TIMM50: variants seen among roughly 807,000 people sequenced by gnomAD.
TIMM50 encodes mitochondrial import inner membrane translocase subunit TIM50.
TIMM50 carries 34 observed loss-of-function variants against 49.6 expected under a neutral mutation model. The observed-to-expected ratio is 0.69, with a 90% confidence interval of 0.52 to 0.91. TIMM50 has a LOEUF of 0.91. Among genes scored for constraint, TIMM50 ranks in the 40% least tolerant of loss-of-function variants. The pLI is 0.00. For missense variants in TIMM50, 458 were observed against 477.8 expected (o/e 0.96, Z 0.39); for synonymous variants, 199 against 198.4 (o/e 1.00, Z -0.03).
chr19:39,483,362 G>T, intron 4 of TIMM50: 4 of 599,520 alleles, frequency 6.7e-6, no homozygotes, highest in South Asian at 2.0e-5. Flanking sequence ...CAGATGGTCA[G>T]AGACAGATGG....
At chr19:39,483,389 G>A (rs2146150720) in intron 4 of TIMM50, 1 of 564,646 alleles carries the variant, frequency 1.8e-6, no homozygotes, top group Non-Finnish European at 3.1e-6. Flanking sequence ...GGAGCCTTGG[G>A]TGGGAGGGCT....
At chr19:39,483,229 C>T in intron 4 of TIMM50, 73 bp downstream of exon 4, 4 of 1,593,276 alleles carry the variant, frequency 2.5e-6, no homozygotes, top group South Asian at 1.1e-5. Context: ...GTCTCTCTCC[C>T]CATCTGGTGT....
In TIMM50 at chr19:39,489,856, G is replaced by A; in HGVS notation, c.*36G>A. 1 of 1,567,806 alleles carries A rather than the reference G, an allele frequency of 6.4e-7. No homozygotes were observed. Among genetic ancestry groups the A allele is most frequent in the South Asian group, 1.2e-5 (1 of 85,666 alleles). On this transcript the variant is annotated 3_prime_UTR_variant, in exon 11 of 11. Transcript: ENST00000607714. ...TCCTCAAACTCAGTGCCTGGGTCCA[G>A]GGCCCCAGTGCTTCCAGACCAAGAC...
chr19:39,483,909 A>C (rs1199669347), intron 4 of TIMM50, among the ~76,000 whole-genome samples: 2 of 152,020 alleles, frequency 1.3e-5, no homozygotes, highest in Admixed American at 6.5e-5. Flanking sequence ...GCTGGAGTGC[A>C]GTGATGCAAT....
rs1347748240 is a variant in TIMM50 at position 39,486,192 on chromosome 19, C to T, written c.498C>T (p.Ala166=). 3 of 1,614,116 alleles carry T rather than the reference C, an allele frequency of 1.9e-6. No homozygotes were observed. The highest frequency in any genetic ancestry group is 2.5e-6 in the Non-Finnish European group (3 of 1,180,002). ...TGTCCTCACTGTCTTCCCAGCTGGCCACTGGCTGGAGGTTTAAGAAGCGCC... is the reference window on the plus strand; with the variant it reads ...TGTCCTCACTGTCTTCCCAGCTGGCTACTGGCTGGAGGTTTAAGAAGCGCC... ...GVLLHPEWSL[A]TGWRFKKRPG... Residue 166 remains alanine (A), a synonymous_variant, in exon 7 of 11, where the codon GCC becomes GCT. Coordinates refer to ENST00000607714, the MANE Select transcript of TIMM50 (RefSeq NM_001001563.5).
intron 4 of TIMM50, 70 bp from the exon 5 acceptor site, chr19:39,485,474 A>T (rs1371171102): frequency 1.3e-6 from 2 of 1,591,600 alleles, no homozygotes; most frequent in Non-Finnish European, 1.7e-6. Context: ...TAGATAAGAA[A>T]CCCCTGGTTT....
At chr19:39,488,250 C>T in intron 9 of TIMM50, 33 bp downstream of exon 9, 2 of 1,585,836 alleles carry the variant, frequency 1.3e-6, no homozygotes, top group Non-Finnish European at 1.7e-6. Context: ...TGGCCTCTGA[C>T]CCCAGAGCCC....
Position 39,482,128 on chromosome 19 carries a change from C to T in TIMM50, c.259+95C>T, listed in dbSNP as rs1475789452. The T allele has an allele frequency of 3.4e-6, 5 of 1,475,148 alleles. No homozygotes were observed. The East Asian group carries it at 9.2e-5, about 27-fold the overall frequency. 91.4% of individuals were successfully genotyped at this position (1,475,148 alleles called of 1,614,324 possible). A position where few individuals can be genotyped will look rare whatever the true frequency, so the allele number is the denominator to read the frequency against. On this transcript the variant is annotated intron_variant, in intron 2 of 10. Coordinates refer to ENST00000607714, the MANE Select transcript of TIMM50 (RefSeq NM_001001563.5). ...CTTGCCCACTACCAGCTTCTCTCGTCTTCATTCCCTGGCTCCTTCCTCAAT... is the reference window on the plus strand; with the variant it reads ...CTTGCCCACTACCAGCTTCTCTCGTTTTCATTCCCTGGCTCCTTCCTCAAT...
In TIMM50 at chr19:39,489,441, C is replaced by T. The variant is rs117854358; in HGVS notation, c.961-278C>T. Among the ~76,000 whole-genome samples, 45 of 152,204 alleles carry T rather than the reference C, an allele frequency of 3.0e-4. 1 individual carries two copies. In the East Asian group the frequency reaches 5.8e-3, roughly 20 times the overall value. Reference sequence around the variant, plus strand: ...TACTGCAGTTCAGGCCTGAATACCTCGAGTGCCTAGTATTGGAGTCTGTCG... The same window carrying T: ...TACTGCAGTTCAGGCCTGAATACCTTGAGTGCCTAGTATTGGAGTCTGTCG... On this transcript the variant is annotated intron_variant, in intron 10 of 10. Coordinates refer to ENST00000607714, the MANE Select transcript of TIMM50 (RefSeq NM_001001563.5).
In TIMM50 at chr19:39,492,160, C is replaced by T. The variant is rs1371154836; in HGVS notation, c.*2340C>T. The T allele has an allele frequency of 1.3e-5, 2 of 152,246 alleles. No homozygotes were observed. Among genetic ancestry groups the T allele is most frequent in the African/African-American group, 4.8e-5 (2 of 41,544 alleles). The allele number at this position is 152,246 out of a possible 1,614,324, so 9.4% of individuals were successfully genotyped here. ...TGATCCTGTGCAAGTTACTTTACCT[C>T]TCAGTGCCTCGGTTTCTACATTTAT... On this transcript the variant is annotated 3_prime_UTR_variant, in exon 11 of 11. Transcript: ENST00000607714.
At chr19:39,486,589 C>T in intron 8 of TIMM50, 94 bp downstream of exon 8, 1 of 1,157,794 alleles carries the variant, frequency 8.6e-7, no homozygotes, top group Middle Eastern at 2.3e-4. Flanking sequence ...CCTCACCTGG[C>T]TTATGGTTCT....
rs776567409 is a variant in TIMM50, at chr19:39,483,150, G to T, written c.307G>T (p.Asp103Tyr). The part of the protein sequence containing the change: ...ENGAKIPDEF[D>Y]NDPILVQQLR... ...TACCTCCCAGATTCCTGATGAGTTC[G>T]ACAATGGTGAGTAAACAAGCACAGA... Residue 103 changes from aspartate (D) to tyrosine (Y), a missense_variant, in exon 4 of 11, where the codon GAC becomes TAC. Coordinates refer to ENST00000607714, the MANE Select transcript of TIMM50 (RefSeq NM_001001563.5). The T allele has an allele frequency of 6.2e-7, 1 of 1,614,012 alleles. No homozygotes were observed. The highest frequency in any genetic ancestry group is 8.5e-7 in the Non-Finnish European group (1 of 1,180,000).
At position 39,486,431 on chromosome 19, in the gene TIMM50, A is replaced by G. The variant is rs767680774; in HGVS notation, c.632A>G (p.His211Arg). 4 of 1,614,010 alleles carry G rather than the reference A, an allele frequency of 2.5e-6. No individual in the cohort carries two copies. The highest frequency in any genetic ancestry group is 1.7e-5 in the Admixed American group (1 of 60,004). The change falls in exon 8 of 11, where the codon CAT becomes CGT. Residue 211 changes from histidine to arginine, a missense_variant. By Grantham distance (29) the His-to-Arg change is conservative. Coordinates refer to ENST00000607714, the MANE Select transcript of TIMM50 (RefSeq NM_001001563.5). ...CCACTCATTGATAGTGTGGACCCCC[A>G]TGGCTTCATCTCCTACCGCCTATTC... ...AFPLIDSVDP[H>R]GFISYRLFRD... is the part of the protein sequence containing the mutation.
chr19:39,490,903 A>G lies in TIMM50; in HGVS notation c.*1083A>G, dbSNP rs1304351313. The G allele has an allele frequency of 6.6e-6, 1 of 151,970 alleles. No individual in the cohort carries two copies. Among genetic ancestry groups the G allele is most frequent in the Non-Finnish European group, 1.5e-5 (1 of 68,056 alleles). 9.4% of individuals were successfully genotyped at this position (151,970 alleles called of 1,614,324 possible). On this transcript the variant is annotated 3_prime_UTR_variant, in exon 11 of 11. Transcript: ENST00000607714. ...CGTGGTGGAGCATGCCTGTGATCCC[A>G]GCTACTCAGGAGGCTGAGGCAGGAG...
chr19:39,485,817 G>A lies in TIMM50; in HGVS notation c.492+10G>A, dbSNP rs776463890. On this transcript the variant is annotated intron_variant, in intron 6 of 10. Transcript: ENST00000607714. ...GCATCCTGAGTGGTCGGTGTGTCCC[G>A]GGAAACCCAGTGGGTTGGGGATAGA... The A allele has an allele frequency of 2.0e-5, 32 of 1,613,860 alleles. No homozygotes were observed. The highest frequency in any genetic ancestry group is 8.0e-5 in the African/African-American group (6 of 74,912).
In TIMM50 at chr19:39,480,882, G is replaced by C. The variant is rs756478236; in HGVS notation, c.29G>C (p.Arg10Pro). ...GCGGCCTCGGCAGCGGTGTTCTCGC[G>C]CTTGCGAAGCGGGCTCCGGCTCGGC... is the stretch of plus-strand genomic sequence containing the variant. MAASAAVFSRLRSGLRLGSR... is the reference protein window; with the variant it reads MAASAAVFSPLRSGLRLGSR... Residue 10 changes from arginine (R) to proline (P), a missense_variant, in exon 1 of 11, where the codon CGC becomes CCC. Physicochemically the swap from Arg to Pro is moderately radical, Grantham distance 103. Transcript: ENST00000607714. The C allele has an allele frequency of 1.3e-6, 2 of 1,599,266 alleles. No homozygotes were observed. The highest frequency in any genetic ancestry group is 3.4e-5 in the Admixed American group (2 of 58,924).
rs1166642873 is a variant in TIMM50 at position 39,486,480 on chromosome 19, T to C, written c.681T>C (p.Asp227=). 1 of 1,613,898 alleles carries C rather than the reference T, an allele frequency of 6.2e-7. No homozygotes were observed. Among genetic ancestry groups the C allele is most frequent in the African/African-American group, 1.3e-5 (1 of 74,924 alleles). The change falls in exon 8 of 11, where the codon GAT becomes GAC. Residue 227 remains aspartate (D), a synonymous_variant. Transcript: ENST00000607714. The part of the protein sequence containing the change: ...RLFRDATRYM[D]GHHVKDISCL... ...TCCGGGACGCCACAAGATACATGGA[T>C]GGACACCATGTAAAGGTGCCGTGGG...
rs2079508491 is a variant in TIMM50 at position 39,486,509 on chromosome 19, A to G, written c.696+14A>G. The G allele has an allele frequency of 1.9e-6, 3 of 1,612,872 alleles. No homozygotes were observed. Among genetic ancestry groups the G allele is most frequent in the East Asian group, 2.2e-5 (1 of 44,868 alleles). On this transcript the variant is annotated intron_variant, in intron 8 of 10. Coordinates refer to ENST00000607714, the MANE Select transcript of TIMM50 (RefSeq NM_001001563.5). ...CACCATGTAAAGGTGCCGTGGGTTC[A>G]TGGGTGGGCCTCTGGGATTTGGCGG...
At chr19:39,483,094 T>C (rs1448783007) in intron 3 of TIMM50, 41 bp from the exon 4 acceptor site, 1 of 1,613,954 alleles carries the variant, frequency 6.2e-7, no homozygotes, top group African/African-American at 1.3e-5. Context: ...GGGTTCTGCC[T>C]CTGACATCCT....
Sources: gnomAD v4.1 joint callset for allele counts (sites outside exome capture counted in the v4.1 genomes callset) on GRCh38, gnomAD v4.1.1 for gene constraint, MANE v1.5 for transcripts, NCBI Gene and HGNC (gene_info 2026-07-23, HGNC 2026-07-21) for gene names.